The following ARK2N variants were observed in gnomAD, a reference collection of about 807,000 sequenced individuals.
ARK2N encodes protein ARK2N.
At chr18:46,194,906 C>T in the ARK2N span, among the ~76,000 whole-genome samples, 38 of 149,102 alleles carry the variant, frequency 2.5e-4, no homozygotes, top group Admixed American at 6.1e-4. Context: ...TGTGTTCAAG[C>T]GATTCTGCCT....
At chr18:46,225,488 T>C in the ARK2N span, among the ~76,000 whole-genome samples, 1 of 152,220 alleles carries the variant, frequency 6.6e-6, no homozygotes, top group East Asian at 1.9e-4. Context: ...AGACGAAGTC[T>C]CGCTTTGTCG....
chr18:46,240,032 A>G, the ARK2N span: 1 of 1,614,136 alleles, frequency 6.2e-7, no homozygotes, highest in South Asian at 1.1e-5. Context: ...GCTCATTATG[A>G]TATGTCTGAC....
the ARK2N span, among the ~76,000 whole-genome samples, chr18:46,258,804 A>T: frequency 6.6e-6 from 1 of 151,322 alleles, no homozygotes; most frequent in African/African-American, 2.4e-5. Context: ...ACATGAAACT[A>T]TTTTTTTTTA....
chr18:46,176,945 C>T, the ARK2N span, among the ~76,000 whole-genome samples: 1 of 152,104 alleles, frequency 6.6e-6, no homozygotes, highest in African/African-American at 2.4e-5. Flanking sequence ...GAGATGGAGT[C>T]TCCCTATGTT....
chr18:46,231,728 TTTTC>T, the ARK2N span: 3 of 152,122 alleles, frequency 2.0e-5, no homozygotes, highest in Non-Finnish European at 4.4e-5. Flanking sequence ...TACATACGAT[TTTTC>T]TTTCTTTTTT....
At chr18:46,205,289 G>A in the ARK2N span, among the ~76,000 whole-genome samples, 2 of 152,150 alleles carry the variant, frequency 1.3e-5, no homozygotes, top group African/African-American at 4.8e-5. Context: ...CAGGTAATAC[G>A]GAAAGGGGTA....
chr18:46,259,885 C>CTGTGTGTGTGTGTGTGTGTGTGTGTGTG, the ARK2N span, among the ~76,000 whole-genome samples: 12,120 of 81,264 alleles, frequency 0.15, 3,307 homozygotes, highest in Middle Eastern at 0.25. Flanking sequence ...ATCCTCCCGT[C>CTGTGTGTGTGTGTGTGTGTGTGTGTGTG]TGTGTGTGTG....
At chr18:46,217,113 C>G in the ARK2N span, 1 of 152,804 alleles carries the variant, frequency 6.5e-6, no homozygotes, top group Non-Finnish European at 1.5e-5. Flanking sequence ...GCATGAGAAG[C>G]TAGTTATCCT....
chr18:46,224,201 A>G, the ARK2N span, among the ~76,000 whole-genome samples: 1 of 152,170 alleles, frequency 6.6e-6, no homozygotes, highest in African/African-American at 2.4e-5. Flanking sequence ...CCATTAATGA[A>G]TGTGCTCTCC....
chr18:46,199,446 G>T, the ARK2N span, among the ~76,000 whole-genome samples: 2 of 148,496 alleles, frequency 1.3e-5, no homozygotes, highest in African/African-American at 5.0e-5. Flanking sequence ...CTCCTGAGTA[G>T]CTGGAACTAC....
At chr18:46,213,835 T>A in the ARK2N span, among the ~76,000 whole-genome samples, 4 of 152,292 alleles carry the variant, frequency 2.6e-5, no homozygotes, top group Non-Finnish European at 4.4e-5. Context: ...TAGCTGGGAC[T>A]ACAGGCGCTC....
chr18:46,207,920 ACTTTCTTGATGT>A, the ARK2N span, among the ~76,000 whole-genome samples: 1 of 152,108 alleles, frequency 6.6e-6, no homozygotes, highest in Non-Finnish European at 1.5e-5. Context: ...AGTGCTCTGT[ACTTTCTTGATGT>A]GATCATTAGA....
At chr18:46,234,450 C>T in the ARK2N span, among the ~76,000 whole-genome samples, 19 of 152,154 alleles carry the variant, frequency 1.2e-4, no homozygotes, top group Non-Finnish European at 2.5e-4. Flanking sequence ...CCACCCACCT[C>T]GGCCTCCCAA....
the ARK2N span, among the ~76,000 whole-genome samples, chr18:46,174,818 G>A: frequency 9.2e-5 from 14 of 152,204 alleles, no homozygotes; most frequent in Admixed American, 9.2e-4. Context: ...TAGGGGGTCT[G>A]GCGCCGACAC....
chr18:46,231,660 T>A, the ARK2N span: 2 of 150,822 alleles, frequency 1.3e-5, no homozygotes, highest in Non-Finnish European at 2.9e-5. Context: ...CTTTTGTCAT[T>A]CCCTGCTGTT....
At chr18:46,228,185 A>C in the ARK2N span, among the ~76,000 whole-genome samples, 1 of 152,144 alleles carries the variant, frequency 6.6e-6, no homozygotes, top group Non-Finnish European at 1.5e-5. Flanking sequence ...TACAGTCTTT[A>C]CTTGAAGTTT....
chr18:46,202,765 G>A, the ARK2N span, among the ~76,000 whole-genome samples: 1 of 150,712 alleles, frequency 6.6e-6, no homozygotes, highest in Non-Finnish European at 1.5e-5. Context: ...TCCAGCCTGG[G>A]CAACAGAGTG....
the ARK2N span, among the ~76,000 whole-genome samples, chr18:46,257,313 A>G: frequency 6.6e-6 from 1 of 151,900 alleles, no homozygotes; most frequent in South Asian, 2.1e-4. Flanking sequence ...TAGTTGTGAT[A>G]TGCCTCTCCC....
At chr18:46,180,773 C>G in the ARK2N span, among the ~76,000 whole-genome samples, 1 of 151,692 alleles carries the variant, frequency 6.6e-6, no homozygotes, top group African/African-American at 2.4e-5. Context: ...CCTAGTGAAC[C>G]AGATGATTTC....
Sources: gnomAD v4.1 joint callset for allele counts (sites outside exome capture counted in the v4.1 genomes callset) on GRCh38, gnomAD v4.1.1 for gene constraint, MANE v1.5 for transcripts, NCBI Gene and HGNC (gene_info 2026-07-23, HGNC 2026-07-21) for gene names.